The following AMBRA1 variants were observed in gnomAD, a reference collection of about 807,000 sequenced individuals.
The protein encoded by AMBRA1 is autophagy and beclin 1 regulator 1.
Under a neutral mutation model 125.4 loss-of-function variants are expected in AMBRA1, and 47 were observed. That is an observed-to-expected ratio of 0.37 (90% CI 0.30 to 0.48). AMBRA1 has a LOEUF of 0.48. Among genes scored for constraint, AMBRA1 ranks in the 20% least tolerant of loss-of-function variants. The pLI, the probability that AMBRA1 is intolerant of heterozygous loss-of-function variation, is 0.99. For missense variants in AMBRA1, 1,331 were observed against 1,693.4 expected, an observed-to-expected ratio of 0.79 and a Z score of 3.76; for synonymous variants, 626 against 655.5, an observed-to-expected ratio of 0.95 and a Z score of 0.69.
At chr11:46,573,731 A>G (rs1164611047) in intron 1 of AMBRA1, among the ~76,000 whole-genome samples, 1 of 148,696 alleles carries the variant, frequency 6.7e-6, no homozygotes, top group Admixed American at 6.7e-5. Flanking sequence ...TTAGTTACAT[A>G]TGTATACATG....
chr11:46,519,818 C>T (rs1951678576), intron 7 of AMBRA1, among the ~76,000 whole-genome samples: 1 of 152,150 alleles, frequency 6.6e-6, no homozygotes, highest in Non-Finnish European at 1.5e-5. Flanking sequence ...GGTTTACAAA[C>T]TTTTTGCTCC....
intron 1 of AMBRA1, among the ~76,000 whole-genome samples, chr11:46,555,589 A>G (rs1410537014): frequency 1.3e-5 from 2 of 152,240 alleles, no homozygotes; most frequent in Non-Finnish European, 2.9e-5. Flanking sequence ...AGACACCACA[A>G]TTCCCAAGAG....
intron 11 of AMBRA1, among the ~76,000 whole-genome samples, chr11:46,488,902 G>T (rs1565211488): frequency 1.3e-5 from 2 of 152,008 alleles, no homozygotes; most frequent in Admixed American, 6.6e-5. Flanking sequence ...CAGTAAAAAG[G>T]TTTTTTTGTT....
chr11:46,567,858 C>T (rs935222316), intron 1 of AMBRA1, among the ~76,000 whole-genome samples: 2 of 152,048 alleles, frequency 1.3e-5, no homozygotes, highest in Admixed American at 6.6e-5. Flanking sequence ...ACTTGAAAAA[C>T]CTAGCTGGGG....
chr11:46,479,280 G>A (rs186174302), intron 11 of AMBRA1, among the ~76,000 whole-genome samples: 6 of 152,286 alleles, frequency 3.9e-5, no homozygotes, highest in Non-Finnish European at 8.8e-5. Context: ...CTTAGTTGTG[G>A]CAGCATGTTA....
chr11:46,579,329 T>C (rs1228631668), intron 1 of AMBRA1, among the ~76,000 whole-genome samples: 1 of 151,834 alleles, frequency 6.6e-6, no homozygotes, highest in Non-Finnish European at 1.5e-5. Context: ...TGGTGGTGCA[T>C]GCCTGTAATC....
At chr11:46,418,873 C>T (rs888011863) in intron 14 of AMBRA1, among the ~76,000 whole-genome samples, 2 of 152,100 alleles carry the variant, frequency 1.3e-5, no homozygotes, top group Non-Finnish European at 2.9e-5. Flanking sequence ...CATACCAGGA[C>T]GGACTGCCCA....
intron 14 of AMBRA1, among the ~76,000 whole-genome samples, chr11:46,429,317 G>A (rs1402874759): frequency 1.3e-5 from 2 of 152,216 alleles, no homozygotes; most frequent in Non-Finnish European, 2.9e-5. Flanking sequence ...ATCCTGGGGA[G>A]GAGCAGCCGC....
At chr11:46,543,683 G>A (rs954194308) in intron 6 of AMBRA1, among the ~76,000 whole-genome samples, 3 of 152,176 alleles carry the variant, frequency 2.0e-5, no homozygotes, top group Non-Finnish European at 4.4e-5. Flanking sequence ...GCAGTGAGGG[G>A]AAGCAAAATG....
At chr11:46,464,106 G>T (rs1949221693) in intron 11 of AMBRA1, among the ~76,000 whole-genome samples, 1 of 152,216 alleles carries the variant, frequency 6.6e-6, no homozygotes, top group South Asian at 2.1e-4. Context: ...AATGGTTAAT[G>T]AAAGGTTTGG....
chr11:46,411,192 G>A lies in AMBRA1; in HGVS notation c.3117-824C>T, dbSNP rs190353966. ...CTCTCGCCCCTGGGGCGGCCTGAGC[G>A]GAGGAAGACAAACTTCACCAAAAGT... On this transcript the variant is annotated intron_variant, in intron 15 of 17. Transcript: ENST00000683756. Among the ~76,000 whole-genome samples the A allele has an allele frequency of 1.3e-4, 19 of 151,246 alleles. No homozygotes were observed. In the East Asian group the frequency reaches 2.7e-3, roughly 22 times the overall value.
chr11:46,497,198 C>A (rs1950666185), intron 9 of AMBRA1, among the ~76,000 whole-genome samples: 1 of 151,886 alleles, frequency 6.6e-6, no homozygotes, highest in African/African-American at 2.4e-5. Flanking sequence ...GTGTATTTTA[C>A]CAACATTTTT....
chr11:46,585,683 AAAAAAAAAAAAAATATATATATATAT>A (rs1389787934), intron 1 of AMBRA1, among the ~76,000 whole-genome samples: 1 of 33,728 alleles, frequency 3.0e-5, no homozygotes, highest in Non-Finnish European at 6.8e-5. Context: ...AAAAAAAAAA[AAAAAAAAAAAAAATATATATATATAT>A]ATATATATAT....
chr11:46,566,446 GATAAT>G (rs1326508667), intron 1 of AMBRA1, among the ~76,000 whole-genome samples: 1 of 152,052 alleles, frequency 6.6e-6, no homozygotes, highest in Middle Eastern at 3.4e-3. Flanking sequence ...TGGAGCTATT[GATAAT>G]ATAACTTGGA....
chr11:46,570,261 CAAAAAAAAAAA>C (rs200875374), intron 1 of AMBRA1, among the ~76,000 whole-genome samples: 6 of 14,294 alleles, frequency 4.2e-4, no homozygotes, highest in East Asian at 1.5e-3. Context: ...GACCATGTCT[CAAAAAAAAAAA>C]AAAAAAAAAA....
At chr11:46,553,318 A>G (rs1212808994) in intron 1 of AMBRA1, among the ~76,000 whole-genome samples, 1 of 152,202 alleles carries the variant, frequency 6.6e-6, no homozygotes, top group African/African-American at 2.4e-5. Flanking sequence ...ACATTTCACA[A>G]AAGGCTGCAA....
chr11:46,585,612 G>C (rs2044343466), intron 1 of AMBRA1, among the ~76,000 whole-genome samples: 1 of 112,898 alleles, frequency 8.9e-6, no homozygotes, highest in African/African-American at 3.5e-5. Flanking sequence ...GTTGCAGTGA[G>C]CTGAGATCAC....
At chr11:46,544,110 G>A in intron 5 of AMBRA1, 69 bp from the exon 6 acceptor site, 1 of 1,300,968 alleles carries the variant, frequency 7.7e-7, no homozygotes, top group Non-Finnish European at 1.1e-6. Context: ...GAGGAAACTT[G>A]TGTTTGAATT....
chr11:46,478,250 C>T (rs1034508500), intron 11 of AMBRA1, among the ~76,000 whole-genome samples: 2 of 152,182 alleles, frequency 1.3e-5, no homozygotes, highest in Non-Finnish European at 2.9e-5. Context: ...CACAAAAATT[C>T]CTTGCCTTAG....
Sources: gnomAD v4.1 joint callset for allele counts (sites outside exome capture counted in the v4.1 genomes callset) on GRCh38, gnomAD v4.1.1 for gene constraint, MANE v1.5 for transcripts, NCBI Gene and HGNC (gene_info 2026-07-23, HGNC 2026-07-21) for gene names.